INTS1: variants seen among roughly 807,000 people sequenced by gnomAD.
INTS1 encodes integrator complex subunit 1.
In INTS1, 137 loss-of-function variants were observed where a neutral mutation model predicts 241.6. The observed-to-expected ratio is 0.57, with a 90% confidence interval of 0.49 to 0.65. The LOEUF (loss-of-function observed/expected upper bound fraction) is 0.65. Ranked by LOEUF, INTS1 falls within the 30% of genes least tolerant of loss-of-function variation. The pLI is 0.00. For missense variants in INTS1, 3,073 were observed against 3,032.2 expected (o/e 1.01, Z -0.32); for synonymous variants, 1,692 against 1,337.8 (o/e 1.26, Z -5.78).
At chr7:1,503,304 AAGG>A (rs1783289728) in intron 2 of INTS1, 113 bp from the exon 3 acceptor site, 2 of 1,174,064 alleles carry the variant, frequency 1.7e-6, no homozygotes, top group South Asian at 3.2e-5. Flanking sequence ...CAGAGGAGGC[AAGG>A]AAGAAGCCAG....
At chr7:1,486,811 C>T (rs371043235) in intron 21 of INTS1, 37 bp from the exon 22 acceptor site, 90 of 1,607,844 alleles carry the variant, frequency 5.6e-5, no homozygotes, top group Non-Finnish European at 1.4e-5. Context: ...GTGCAGGTGA[C>T]AGGCCAGGCG....
chr7:1,504,188 G>A (rs1216636533), intron 1 of INTS1, 135 bp downstream of exon 1: 1 of 536,052 alleles, frequency 1.9e-6, no homozygotes, highest in African/African-American at 2.0e-5. Context: ...GCTCAGTCGG[G>A]CGGCAGCAGG....
chr7:1,496,986 C>A (rs528143151), intron 11 of INTS1, among the ~76,000 whole-genome samples, 152 bp downstream of exon 11: 1 of 152,282 alleles, frequency 6.6e-6, no homozygotes, highest in East Asian at 1.9e-4. Context: ...CCCTCTGGGA[C>A]GCGTCACCGC....
chr7:1,474,939 C>G (rs1781641837), intron 39 of INTS1, 101 bp from the exon 40 acceptor site: 1 of 1,450,392 alleles, frequency 6.9e-7, no homozygotes, highest in Non-Finnish European at 9.2e-7. Context: ...CACCGCGTGG[C>G]ACGCCATGAG....
At chr7:1,489,063 C>T (rs939144899) in intron 18 of INTS1, among the ~76,000 whole-genome samples, 3 of 152,212 alleles carry the variant, frequency 2.0e-5, no homozygotes, top group South Asian at 2.1e-4. Context: ...CCACTCCTGT[C>T]GGCAGCATAA....
Position 1,479,659 on chromosome 7 carries a change from C to T in INTS1, c.4100G>A (p.Arg1367Gln), listed in dbSNP as rs1347356314. The change falls in exon 31 of 48, where the codon CGG (arginine) becomes CAG (glutamine). Residue 1367 changes from arginine to glutamine, a missense_variant. Physicochemically the swap from Arg to Gln is conservative, Grantham distance 43. Coordinates refer to ENST00000404767, the MANE Select transcript of INTS1 (RefSeq NM_001080453.3). The part of the protein sequence containing the change: ...LQIFPLSPDP[R>Q]WQSSSPRPVA... The stretch of plus-strand genomic sequence containing the variant: ...GGGGCGGGGACTGGAGCTCTGCCAC[C>T]GAGGGTCCGGGCTGAGCGGGAAAAT... The T allele has an allele frequency of 2.0e-6, 3 of 1,490,392 alleles. No individual in the cohort carries two copies. The highest frequency in any genetic ancestry group is 2.7e-6 in the Non-Finnish European group (3 of 1,117,228). The allele number at this position is 1,490,392 out of a possible 1,614,324, so 92.3% of individuals were successfully genotyped here.
intron 22 of INTS1, among the ~76,000 whole-genome samples, chr7:1,486,163 T>TG (rs1320099908): frequency 5.3e-5 from 8 of 152,068 alleles, no homozygotes; most frequent in African/African-American, 1.7e-4. Flanking sequence ...CTCAAACTCC[T>TG]GGACTCAAGT....
At chr7:1,473,313 G>T in intron 42 of INTS1, 129 bp from the exon 43 acceptor site, 1 of 717,240 alleles carries the variant, frequency 1.4e-6, no homozygotes, top group Non-Finnish European at 2.3e-6. Context: ...ACGCTCAGAG[G>T]GAGGGCCGGG....
Position 1,503,094 on chromosome 7 carries a change from G to C in INTS1, c.156C>G (p.Gly52=). 1.2e-6 allele frequency: 2 copies of C among 1,610,956 alleles called. No individual in the cohort carries two copies. The highest frequency in any genetic ancestry group is 1.7e-6 in the Non-Finnish European group (2 of 1,177,644). Residue 52 remains glycine (G), a synonymous_variant, in exon 3 of 48, where the codon GGC becomes GGG. Transcript: ENST00000404767. The part of the protein sequence containing the change: ...ASTLLKPAPS[G]LPSERKRDAA... ...CATCCCGCTTGCGCTCAGAAGGCAG[G>C]CCGGAAGGGGCTGGCTTCAGCAGGG... is the stretch of plus-strand genomic sequence containing the variant.
chr7:1,498,640 C>T, intron 9 of INTS1, 67 bp downstream of exon 9: 1 of 1,524,268 alleles, frequency 6.6e-7, no homozygotes, highest in Admixed American at 2.0e-5. Context: ...CACCCCCGCT[C>T]CGCCCACACC....
rs1783358355 is a variant in INTS1 at position 1,504,307 on chromosome 7, G to T, written c.-42+16C>A. ...CGCCCGGCAATGAGGAAGCGCCCAGGCCGCGGCTCACTTACCTCTGGCCCA... is the reference window on the plus strand; with the variant it reads ...CGCCCGGCAATGAGGAAGCGCCCAGTCCGCGGCTCACTTACCTCTGGCCCA... On this transcript the variant is annotated intron_variant, in intron 1 of 47. Coordinates refer to ENST00000404767, the MANE Select transcript of INTS1 (RefSeq NM_001080453.3). 1.9e-6 allele frequency: 1 copy of T among 538,716 alleles called. No homozygotes were observed. Among genetic ancestry groups the T allele is most frequent in the African/African-American group, 2.0e-5 (1 of 50,090 alleles). 33.4% of individuals were successfully genotyped at this position (538,716 alleles called of 1,614,324 possible).
chr7:1,471,518 G>A (rs1285785122), intron 45 of INTS1, 53 bp downstream of exon 45: 31 of 1,577,854 alleles, frequency 2.0e-5, no homozygotes, highest in Non-Finnish European at 2.7e-5. Flanking sequence ...CCCTGCTGGG[G>A]TTCCCCAAGG....
intron 29 of INTS1, 91 bp from the exon 30 acceptor site, chr7:1,480,532 G>A: frequency 7.1e-7 from 1 of 1,414,664 alleles, no homozygotes. Context: ...GTCCTGCCCG[G>A]GGACTGTCAC....
rs10279407 is a variant in INTS1 at position 1,488,051 on chromosome 7, C to T, written c.2319-94G>A. On this transcript the variant is annotated intron_variant, in intron 18 of 47. Transcript: ENST00000404767. ...AGGGTCAAGGAGGGTAAAACCCCTA[C>T]GGCTGCTGCTGCCTCTGCTGCACAG... The T allele has an allele frequency of 0.45, 590,351 of 1,300,992 alleles. 141,775 individuals are homozygous for T. Among genetic ancestry groups the T allele is most frequent in the African/African-American group, 0.77 (53,028 of 68,700 alleles). 80.6% of individuals were successfully genotyped at this position (1,300,992 alleles called of 1,614,324 possible).
At chr7:1,479,255 G>A (rs1781879667) in intron 31 of INTS1, among the ~76,000 whole-genome samples, 175 bp downstream of exon 31, 1 of 152,248 alleles carries the variant, frequency 6.6e-6, no homozygotes, top group African/African-American at 2.4e-5. Context: ...CCGTCCCGGG[G>A]GAATGTTCAC....
rs948310423 is a variant in INTS1 at position 1,492,706 on chromosome 7, G to C, written c.2165+304C>G. Among the ~76,000 whole-genome samples the C allele has an allele frequency of 2.3e-4, 35 of 152,228 alleles. 1 individual carries two copies. Among genetic ancestry groups the C allele is most frequent in the Non-Finnish European group, 7.3e-5 (5 of 68,044 alleles). ...CTGGAGACACCGGGGAAGACAACGG[G>C]GAAACAGCCCACTCAAACCCAGGTA... On this transcript the variant is annotated intron_variant, in intron 16 of 47. Coordinates refer to ENST00000404767, the MANE Select transcript of INTS1 (RefSeq NM_001080453.3).
chr7:1,493,916 G>A lies in INTS1; in HGVS notation c.1911-5C>T, dbSNP rs747427486. On this transcript the variant is annotated splice_polypyrimidine_tract_variant and splice_region_variant and intron_variant, in intron 14 of 47. Coordinates refer to ENST00000404767, the MANE Select transcript of INTS1 (RefSeq NM_001080453.3). This position sits in a 1 kb window ranked among gnomAD's most constrained non-coding sequence, Gnocchi z 5.3. ...GAGCACAGACGCAGGAAGAAGCTGC[G>A]GGGTGGGGGAGGCATGACTCGGTGT... 1.5e-5 allele frequency: 23 copies of A among 1,556,656 alleles called. No individual in the cohort carries two copies. The highest frequency in any genetic ancestry group is 5.9e-5 in the South Asian group (5 of 84,356).
chr7:1,475,989 G>C lies in INTS1; in HGVS notation c.5461C>G (p.Leu1821Val). ...PELRVPVPEV[L>V]LHSEGAASSS... is the part of the protein sequence containing the mutation. Reference sequence around the variant, plus strand: ...CTGGCAGCCCCTTCGCTGTGCAGTAGGACCTCAGGCACGGGCACCCGCAGC... The same window carrying C: ...CTGGCAGCCCCTTCGCTGTGCAGTACGACCTCAGGCACGGGCACCCGCAGC... The change falls in exon 39 of 48, where the codon CTA (leucine) becomes GTA (valine). Residue 1821 changes from leucine (L) to valine (V), a missense_variant. By Grantham distance (32) the Leu-to-Val change is conservative. Coordinates refer to ENST00000404767, the MANE Select transcript of INTS1 (RefSeq NM_001080453.3). 1 of 1,545,406 alleles carries C rather than the reference G, an allele frequency of 6.5e-7. No individual in the cohort carries two copies. The highest frequency in any genetic ancestry group is 8.7e-7 in the Non-Finnish European group (1 of 1,146,706).
At position 1,486,697 on chromosome 7, in the gene INTS1, C is replaced by A. The variant is rs759044009; in HGVS notation, c.2904G>T (p.Thr968=). ...GCAAGAAGTAGTCCAGCACCTCACACGTGGTCTGCTCATCAGCCTTCGGGC... is the reference window on the plus strand; with the variant it reads ...GCAAGAAGTAGTCCAGCACCTCACAAGTGGTCTGCTCATCAGCCTTCGGGC... The part of the protein sequence containing the change: ...LLGPKADEQT[T]CEVLDYFLRR... The change falls in exon 22 of 48, where the codon ACG becomes ACT. Residue 968 remains threonine, a synonymous_variant. Transcript: ENST00000404767. 40 of 1,612,680 alleles carry A rather than the reference C, an allele frequency of 2.5e-5. No individual in the cohort carries two copies. Among genetic ancestry groups the A allele is most frequent in the Non-Finnish European group, 3.3e-5 (39 of 1,179,798 alleles).
Sources: gnomAD v4.1 joint callset for allele counts (sites outside exome capture counted in the v4.1 genomes callset) on GRCh38, gnomAD v4.1.1 for gene constraint, Gnocchi (gnomAD v3.1) non-coding constraint, MANE v1.5 for transcripts, NCBI Gene and HGNC (gene_info 2026-07-23, HGNC 2026-07-21) for gene names.